The following TTC23 variants were observed in gnomAD, a reference collection of about 807,000 sequenced individuals.
TTC23 encodes the protein tetratricopeptide repeat protein 23.
Under a neutral mutation model 55.1 loss-of-function variants are expected in TTC23, and 58 were observed. The ratio of observed to expected loss-of-function variants is 1.05; its 90% confidence interval spans 0.85 to 1.31. TTC23 has a LOEUF of 1.31. TTC23 is among the 50% of genes most tolerant of loss of function. The probability of loss-of-function intolerance (pLI) is 0.00; values close to 1 mark genes in which losing one functional copy is unlikely to be tolerated. For synonymous variants in TTC23, 203 were observed against 199.9 expected, an observed-to-expected ratio of 1.02 and a Z score of -0.13; for missense variants, 516 against 534.4, an observed-to-expected ratio of 0.97 and a Z score of 0.34.
intron 3 of TTC23, among the ~76,000 whole-genome samples, chr15:99,236,967 T>A (rs941510749): frequency 6.7e-6 from 1 of 150,104 alleles, no homozygotes; most frequent in African/African-American, 2.5e-5. Flanking sequence ...ACAGGAGTCA[T>A]CATTTCACTC....
At chr15:99,207,669 A>G (rs987546843) in intron 8 of TTC23, among the ~76,000 whole-genome samples, 2 of 152,166 alleles carry the variant, frequency 1.3e-5, no homozygotes, top group African/African-American at 4.8e-5. Context: ...AAGCATGAGA[A>G]TCGCTTGAAC....
chr15:99,215,474 G>A (rs147448034), intron 8 of TTC23, among the ~76,000 whole-genome samples: 31 of 152,280 alleles, frequency 2.0e-4, no homozygotes, highest in African/African-American at 7.5e-4. Context: ...GCCAGGCATG[G>A]TGGCTCATGC....
chr15:99,210,370 A>T (rs902456563), intron 8 of TTC23, among the ~76,000 whole-genome samples: 11 of 152,196 alleles, frequency 7.2e-5, no homozygotes, highest in Non-Finnish European at 1.2e-4. Context: ...ATAATAATAA[A>T]AACAAAAATG....
intron 12 of TTC23, among the ~76,000 whole-genome samples, chr15:99,148,897 G>T (rs1170182743): frequency 6.6e-6 from 1 of 152,184 alleles, no homozygotes; most frequent in East Asian, 1.9e-4. Context: ...ATTTAATCCT[G>T]CTGTGTGTGT....
intron 9 of TTC23, among the ~76,000 whole-genome samples, chr15:99,192,886 G>A (rs181301902): frequency 7.2e-5 from 11 of 152,328 alleles, no homozygotes; most frequent in South Asian, 6.2e-4. Flanking sequence ...CCACAGGGGC[G>A]GAGCTGCCCA....
chr15:99,188,638 A>AT (rs1396167295), intron 9 of TTC23, among the ~76,000 whole-genome samples: 1 of 152,130 alleles, frequency 6.6e-6, no homozygotes, highest in Non-Finnish European at 1.5e-5. Flanking sequence ...AAATGGTGAA[A>AT]TGACAGGAAT....
intron 8 of TTC23, among the ~76,000 whole-genome samples, chr15:99,217,558 A>G (rs1367455072): frequency 1.3e-5 from 2 of 152,230 alleles, no homozygotes; most frequent in Non-Finnish European, 2.9e-5. Context: ...GTATTTATCT[A>G]TGATGTGTGT....
chr15:99,148,454 T>G (rs569220905), intron 12 of TTC23: 43 of 148,028 alleles, frequency 2.9e-4, no homozygotes, highest in African/African-American at 1.0e-3. Flanking sequence ...ACTCCTTTCA[T>G]AAAAAGATTC....
At chr15:99,185,600 A>C (rs557068724) in intron 9 of TTC23, among the ~76,000 whole-genome samples, 13 of 152,346 alleles carry the variant, frequency 8.5e-5, no homozygotes, top group African/African-American at 3.1e-4. Flanking sequence ...AACCCAAGCT[A>C]GCACTGTTAT....
At chr15:99,215,686 G>T (rs2077424156) in intron 8 of TTC23, among the ~76,000 whole-genome samples, 1 of 152,104 alleles carries the variant, frequency 6.6e-6, no homozygotes, top group Non-Finnish European at 1.5e-5. Context: ...GGTTGAAGCT[G>T]CTGTGAACCA....
chr15:99,239,439 C>T (rs1241661763), intron 3 of TTC23, among the ~76,000 whole-genome samples: 4 of 151,524 alleles, frequency 2.6e-5, no homozygotes, highest in Admixed American at 2.6e-4. Flanking sequence ...GAGCCGAGAC[C>T]ACACCATTGC....
At chr15:99,198,515 G>C (rs1384513918) in intron 9 of TTC23, among the ~76,000 whole-genome samples, 2 of 152,150 alleles carry the variant, frequency 1.3e-5, no homozygotes, top group African/African-American at 4.8e-5. Flanking sequence ...AGCTTCCTAA[G>C]TGGTCTAGTT....
At chr15:99,228,807 CT>C in intron 4 of TTC23, 75 bp from the exon 5 acceptor site, 1 of 1,188,882 alleles carries the variant, frequency 8.4e-7, no homozygotes, top group South Asian at 1.8e-5. Context: ...CATTTCAACA[CT>C]ATACCCATAA....
chr15:99,197,706 G>T (rs2075861452), intron 9 of TTC23, among the ~76,000 whole-genome samples: 1 of 151,898 alleles, frequency 6.6e-6, no homozygotes, highest in African/African-American at 2.4e-5. Context: ...AGGAGTTCGA[G>T]ACCAGCCTGG....
intron 4 of TTC23, among the ~76,000 whole-genome samples, chr15:99,229,008 A>AGG (rs2078708668): frequency 6.6e-6 from 1 of 152,124 alleles, no homozygotes; most frequent in African/African-American, 2.4e-5. Context: ...GTATATGTGT[A>AGG]TGTATTACAC....
In TTC23 at chr15:99,160,001, C is replaced by T. The variant is rs1380666312; in HGVS notation, c.993+1739G>A. On this transcript the variant is annotated intron_variant, in intron 11 of 13. Coordinates refer to ENST00000394132, the MANE Select transcript of TTC23 (RefSeq NM_001288615.3). Reference sequence around the variant, plus strand: ...TGGGGCATGAGGGGGCAAACCTACCCCATTATTCTGACCTGAGCACTCCCC... The same window carrying T: ...TGGGGCATGAGGGGGCAAACCTACCTCATTATTCTGACCTGAGCACTCCCC... 3.3e-5 allele frequency: 5 copies of T among 152,444 alleles called. 1 individual carries two copies. Among genetic ancestry groups the T allele is most frequent in the African/African-American group, 1.2e-4 (5 of 41,534 alleles). The allele number at this position is 152,444 out of a possible 1,614,324, so 9.4% of individuals were successfully genotyped here. A position where few individuals can be genotyped will look rare whatever the true frequency, so the allele number is the denominator to read the frequency against.
At chr15:99,208,435 T>C (rs919235826) in intron 8 of TTC23, among the ~76,000 whole-genome samples, 1 of 152,188 alleles carries the variant, frequency 6.6e-6, no homozygotes, top group South Asian at 2.1e-4. Context: ...GTAAGCTTAG[T>C]AGTGTGTATA....
In TTC23 at chr15:99,218,716, GAATTGTGTTCAGGA is replaced by G; in HGVS notation, c.456-17_456-4del. The G allele has an allele frequency of 6.2e-7, 1 of 1,613,774 alleles. No individual in the cohort carries two copies. Among genetic ancestry groups the G allele is most frequent in the Non-Finnish European group, 8.5e-7 (1 of 1,180,000 alleles). ...AATTCTCTGCAGCTTCCTTAAATCTGAATTGTGTTCAGGAAATTTTCCACTTGGTTCTAGATTCT... is the reference window on the plus strand; with the variant it reads ...AATTCTCTGCAGCTTCCTTAAATCTGAATTTTCCACTTGGTTCTAGATTCT... On this transcript the variant is annotated splice_polypyrimidine_tract_variant and splice_region_variant and intron_variant, in intron 7 of 13. Coordinates refer to ENST00000394132, the MANE Select transcript of TTC23 (RefSeq NM_001288615.3).
intron 8 of TTC23, among the ~76,000 whole-genome samples, chr15:99,211,588 A>G (rs567098093): frequency 6.6e-6 from 1 of 151,956 alleles, no homozygotes; most frequent in Non-Finnish European, 1.5e-5. Flanking sequence ...GGGATGAAAC[A>G]GCAGAAAGGA....
Sources: gnomAD v4.1 joint callset for allele counts (sites outside exome capture counted in the v4.1 genomes callset) on GRCh38, gnomAD v4.1.1 for gene constraint, MANE v1.5 for transcripts, NCBI Gene and HGNC (gene_info 2026-07-23, HGNC 2026-07-21) for gene names.